Variants in NRG1 observed in about 807,000 individuals in gnomAD.
The protein encoded by NRG1 is neuregulin 1.
In NRG1, 18 loss-of-function variants were observed where a neutral mutation model predicts 63.8. The ratio of observed to expected loss-of-function variants is 0.28; its 90% CI spans 0.19 to 0.42. The LOEUF is 0.42. NRG1 is among the 10% of genes least tolerant of loss of function. The pLI, the probability that NRG1 is intolerant of heterozygous loss-of-function variation, is 1.00. For synonymous variants in NRG1, 302 were observed against 301.3 expected (o/e 1.00, Z -0.02); for missense variants, 762 against 814.7 (o/e 0.94, Z 0.79).
chr8:32,607,364 A>C (rs1315305206), intron 3 of NRG1, among the ~76,000 whole-genome samples: 4 of 152,090 alleles, frequency 2.6e-5, no homozygotes, highest in Non-Finnish European at 5.9e-5. Context: ...GTGTTTCCTC[A>C]TAGTTAATGG....
At chr8:32,008,061 C>A (rs1482616189) in intron 1 of NRG1, among the ~76,000 whole-genome samples, 1 of 151,934 alleles carries the variant, frequency 6.6e-6, no homozygotes, top group Non-Finnish European at 1.5e-5. Context: ...TGGTATATTT[C>A]TTTTGCTATT....
chr8:32,606,133 A>G (rs916614129), intron 3 of NRG1, among the ~76,000 whole-genome samples: 1 of 148,820 alleles, frequency 6.7e-6, no homozygotes, highest in African/African-American at 2.4e-5. Context: ...GTTTACGTAT[A>G]TATAACATAT....
At chr8:32,535,835 A>G (rs960055820) in intron 1 of NRG1, among the ~76,000 whole-genome samples, 2 of 152,138 alleles carry the variant, frequency 1.3e-5, no homozygotes, top group Non-Finnish European at 2.9e-5. Flanking sequence ...TTGCCCATTG[A>G]CCAGCTCTTC....
In NRG1 at chr8:32,743,711, C is replaced by T. The variant is rs1048579796; in HGVS notation, c.691+978C>T. On this transcript the variant is annotated intron_variant, in intron 7 of 11. Transcript: ENST00000356819. ...TCACATTGTACATAATTATATAAACCAAACCATGTATTTGTCCTATTGTGA... is the reference window on the plus strand; with the variant it reads ...TCACATTGTACATAATTATATAAACTAAACCATGTATTTGTCCTATTGTGA... Among the ~76,000 whole-genome samples the T allele has an allele frequency of 2.7e-5, 4 of 150,630 alleles. No individual in the cohort carries two copies. The Admixed American group carries it at 2.7e-4, about 10-fold the overall frequency.
intron 1 of NRG1, among the ~76,000 whole-genome samples, chr8:32,580,862 A>G (rs1840517211): frequency 6.6e-6 from 1 of 152,166 alleles, no homozygotes; most frequent in Admixed American, 6.5e-5. Context: ...CCCATTGAGC[A>G]GTGTTCAACT....
intron 5 of NRG1, among the ~76,000 whole-genome samples, chr8:32,701,549 C>G (rs987950030): frequency 6.6e-6 from 1 of 152,078 alleles, no homozygotes; most frequent in Non-Finnish European, 1.5e-5. Context: ...TGTGAGTAAG[C>G]CTGCATTTTT....
chr8:31,639,292 C>T, exon 1 of NRG1: 1 of 1,411,642 alleles, frequency 7.1e-7, no homozygotes, highest in Non-Finnish European at 9.6e-7. Context: ...TGCCGCCCGT[C>T]CTCCCATTGC....
At chr8:32,118,497 C>G (rs749748615) in intron 1 of NRG1, among the ~76,000 whole-genome samples, 3 of 152,020 alleles carry the variant, frequency 2.0e-5, no homozygotes, top group South Asian at 2.1e-4. Flanking sequence ...TGTGTAGAAC[C>G]ATGAGCCAAA....
At chr8:32,549,198 C>CCATAAGCG (rs1392563129) in intron 1 of NRG1, among the ~76,000 whole-genome samples, 22 of 152,388 alleles carry the variant, frequency 1.4e-4, no homozygotes, top group Non-Finnish European at 2.6e-4. Flanking sequence ...GTGCCCCGCG[C>CCATAAGCG]CATAAGCGCT....
At chr8:32,188,144 G>T (rs1248770080) in intron 1 of NRG1, among the ~76,000 whole-genome samples, 2 of 151,388 alleles carry the variant, frequency 1.3e-5, no homozygotes, top group Non-Finnish European at 2.9e-5. Context: ...TTGGCTCACT[G>T]TAACCTCCAC....
At chr8:32,715,724 C>T (rs1318046106) in intron 5 of NRG1, among the ~76,000 whole-genome samples, 2 of 151,682 alleles carry the variant, frequency 1.3e-5, no homozygotes, top group East Asian at 1.9e-4. Context: ...CTACAGCCTC[C>T]GCCTCCCTGG....
chr8:31,754,957 A>G (rs372234792), intron 1 of NRG1, among the ~76,000 whole-genome samples: 1 of 152,018 alleles, frequency 6.6e-6, no homozygotes, highest in African/African-American at 2.4e-5. Context: ...GATAAGGGAA[A>G]TTTACGTGGA....
In NRG1 at chr8:31,854,967, A is replaced by G. The variant is rs1387793299; in HGVS notation, c.37+215536A>G. ...TGAGTTCTAGTTTGATTGCACTGTG[A>G]TCTGAGAGATAGTTTGTTATAATTT... On this transcript the variant is annotated intron_variant, in intron 1 of 10. Coordinates refer to the NRG1 transcript ENST00000519301. 3.9e-5 allele frequency among the ~76,000 whole-genome samples: 6 copies of G among 152,194 alleles called. No individual in the cohort carries two copies. The South Asian group carries it at 8.3e-4, about 21-fold the overall frequency.
At chr8:32,233,259 G>A (rs970942762) in intron 1 of NRG1, among the ~76,000 whole-genome samples, 1 of 151,760 alleles carries the variant, frequency 6.6e-6, no homozygotes, top group African/African-American at 2.4e-5. Flanking sequence ...GTGCCACCAT[G>A]CTTGGCTAAT....
chr8:32,559,729 C>A (rs1453526941), intron 1 of NRG1, among the ~76,000 whole-genome samples: 1 of 151,772 alleles, frequency 6.6e-6, no homozygotes, highest in Non-Finnish European at 1.5e-5. Context: ...ATGCATGGTG[C>A]CTCATACTTG....
chr8:32,250,107 T>A (rs1234761631), intron 1 of NRG1, among the ~76,000 whole-genome samples: 7 of 152,092 alleles, frequency 4.6e-5, no homozygotes, highest in Admixed American at 2.0e-4. Context: ...CAGGTAAGAT[T>A]GAATATTTTT....
chr8:31,772,614 G>A (rs1241576103), intron 1 of NRG1, among the ~76,000 whole-genome samples: 1 of 152,100 alleles, frequency 6.6e-6, no homozygotes, highest in Non-Finnish European at 1.5e-5. Flanking sequence ...CTGATCAAGG[G>A]AGTCCTGTCA....
chr8:32,448,672 T>A (rs1258988184), intron 1 of NRG1, among the ~76,000 whole-genome samples: 1 of 110,930 alleles, frequency 9.0e-6, no homozygotes, highest in Non-Finnish European at 2.2e-5. Context: ...AATTAGCTAT[T>A]TTTTTTTCTG....
chr8:31,747,638 A>G (rs1471187354), intron 1 of NRG1, among the ~76,000 whole-genome samples: 1 of 151,760 alleles, frequency 6.6e-6, no homozygotes, highest in Non-Finnish European at 1.5e-5. Context: ...TCACAAGAAT[A>G]TTTTTCTCCC....
Sources: allele counts gnomAD v4.1 joint callset (sites outside exome capture counted in the v4.1 genomes callset), GRCh38; gene constraint gnomAD v4.1.1; transcripts MANE v1.5; gene names NCBI Gene and HGNC (gene_info 2026-07-23, HGNC 2026-07-21).